The following YARS1 variants were observed in gnomAD, a reference collection of about 807,000 sequenced individuals.
YARS1 encodes tyrosine--tRNA ligase, cytoplasmic.
A neutral mutation model predicts 62.2 loss-of-function variants in YARS1; 36 were observed. The observed-to-expected ratio is 0.58, with a 90% CI of 0.44 to 0.76. The LOEUF (loss-of-function observed/expected upper bound fraction) is 0.76. YARS1 is among the 30% of genes least tolerant of loss of function. YARS1 has a pLI of 0.00. For synonymous variants in YARS1, 234 were observed against 244.9 expected (o/e 0.96, Z 0.42); for missense variants, 524 against 639.8 (o/e 0.82, Z 1.95).
intron 5 of YARS1, among the ~76,000 whole-genome samples, chr1:32,791,854 G>C (rs1653422613): frequency 6.6e-6 from 1 of 151,970 alleles, no homozygotes; most frequent in Admixed American, 6.6e-5. Context: ...AAACCCAACA[G>C]GGCAGCAAAT....
intron 12 of YARS1, 104 bp downstream of exon 12, chr1:32,779,277 AG>A (rs1302548947): frequency 7.5e-5 from 119 of 1,582,356 alleles, no homozygotes; most frequent in Non-Finnish European, 9.8e-5. Context: ...GCTCAAATGC[AG>A]GAAGTCCCAA....
intron 5 of YARS1, among the ~76,000 whole-genome samples, chr1:32,792,192 G>C (rs745643645): frequency 6.6e-6 from 1 of 152,182 alleles, no homozygotes; most frequent in African/African-American, 2.4e-5. Context: ...GGGAGACAGA[G>C]ATGGAAGTTT....
intron 12 of YARS1, among the ~76,000 whole-genome samples, chr1:32,778,881 G>A (rs1652963961): frequency 6.6e-6 from 1 of 151,756 alleles, no homozygotes; most frequent in Non-Finnish European, 1.5e-5. Context: ...TGGGATTACA[G>A]GCGCCCACGA....
Position 32,787,286 on chromosome 1 carries a change from T to C in YARS1, c.685-211A>G, listed in dbSNP as rs785416. On this transcript the variant is annotated intron_variant, in intron 6 of 12. Coordinates refer to ENST00000373477, the MANE Select transcript of YARS1 (RefSeq NM_003680.4). ...CTGGGACTACAGGAATGTGTCACCA[T>C]GCCCAGGTAATTCTATTTTTTGTAG... 0.99 allele frequency among the ~76,000 whole-genome samples: 150,299 copies of C among 152,228 alleles called. 74,227 individuals are homozygous for C. Among genetic ancestry groups the C allele is most frequent in the South Asian group, 1 (4,814 of 4,814 alleles).
chr1:32,785,665 C>T (rs1164163970), intron 8 of YARS1, among the ~76,000 whole-genome samples: 1 of 151,564 alleles, frequency 6.6e-6, no homozygotes, highest in Non-Finnish European at 1.5e-5. Flanking sequence ...TCACTGCAAC[C>T]TCCGACTCCC....
intron 5 of YARS1, among the ~76,000 whole-genome samples, chr1:32,794,063 T>C (rs1375707651): frequency 6.6e-6 from 1 of 152,098 alleles, no homozygotes; most frequent in African/African-American, 2.4e-5. Flanking sequence ...TAAAAAACAA[T>C]TACAGGCTGG....
rs987880780 is a variant in YARS1, at chr1:32,779,365, C to T, written c.1476+17G>A. ...CAGGCAGCCCAGCCAAGAAAGGGAACAATTACAGCTTTTTACCTGCAACTT... is the reference window on the plus strand; with the variant it reads ...CAGGCAGCCCAGCCAAGAAAGGGAATAATTACAGCTTTTTACCTGCAACTT... On this transcript the variant is annotated intron_variant, in intron 12 of 12. Coordinates refer to ENST00000373477, the MANE Select transcript of YARS1 (RefSeq NM_003680.4). The T allele has an allele frequency of 6.2e-7, 1 of 1,614,070 alleles. No homozygotes were observed. The highest frequency in any genetic ancestry group is 1.6e-4 in the Middle Eastern group (1 of 6,084).
intron 1 of YARS1, among the ~76,000 whole-genome samples, chr1:32,811,897 A>G (rs971870080): frequency 1.4e-4 from 22 of 152,286 alleles, no homozygotes; most frequent in South Asian, 6.2e-4. Context: ...AAGCCCCCCA[A>G]CTGTCGGAAT....
chr1:32,786,893 C>CT (rs776917593), intron 7 of YARS1, 47 bp downstream of exon 7: 1 of 1,613,168 alleles, frequency 6.2e-7, no homozygotes, highest in Non-Finnish European at 8.5e-7. Context: ...ACAGCACGAA[C>CT]TTTTCTATTC....
At chr1:32,784,176 T>C (rs1432495816) in intron 8 of YARS1, among the ~76,000 whole-genome samples, 1 of 151,468 alleles carries the variant, frequency 6.6e-6, no homozygotes, top group Non-Finnish European at 1.5e-5. Flanking sequence ...GGCCAGTATT[T>C]TGATTTTTTT....
intron 12 of YARS1, among the ~76,000 whole-genome samples, chr1:32,777,398 G>T (rs916470219): frequency 6.6e-6 from 1 of 152,124 alleles, no homozygotes; most frequent in Non-Finnish European, 1.5e-5. Context: ...GGAACATGAA[G>T]TTAGGAGCTT....
At chr1:32,800,434 G>C (rs1316837425) in intron 4 of YARS1, among the ~76,000 whole-genome samples, 2 of 151,788 alleles carry the variant, frequency 1.3e-5, no homozygotes, top group African/African-American at 4.8e-5. Flanking sequence ...GAGGCCAGGA[G>C]TTCAAGACCA....
At chr1:32,781,003 C>T in intron 10 of YARS1, 45 bp downstream of exon 10, 1 of 1,584,204 alleles carries the variant, frequency 6.3e-7, no homozygotes, top group Non-Finnish European at 8.7e-7. Context: ...AACAGACAAA[C>T]CTGACCCCAA....
intron 12 of YARS1, 77 bp downstream of exon 12, chr1:32,779,305 T>A: frequency 6.2e-7 from 1 of 1,611,674 alleles, no homozygotes; most frequent in Non-Finnish European, 8.5e-7. Context: ...GGGGCAGCTA[T>A]GGCTTCAGTA....
At chr1:32,793,477 CA>C (rs555851915) in intron 5 of YARS1, among the ~76,000 whole-genome samples, 2 of 150,194 alleles carry the variant, frequency 1.3e-5, no homozygotes, top group East Asian at 1.9e-4. Flanking sequence ...ATTCCATCTC[CA>C]AAAAAAAATA....
intron 4 of YARS1, among the ~76,000 whole-genome samples, chr1:32,805,129 G>T (rs1295563866): frequency 1.3e-5 from 2 of 151,872 alleles, no homozygotes; most frequent in African/African-American, 4.8e-5. Flanking sequence ...TCGGCAGGCT[G>T]AGGCAGGAGA....
intron 12 of YARS1, among the ~76,000 whole-genome samples, chr1:32,777,728 AGGCTTG>A (rs1481621928): frequency 1.3e-5 from 2 of 152,176 alleles, no homozygotes; most frequent in East Asian, 3.9e-4. Context: ...GGAGGTTTAC[AGGCTTG>A]AGGTTACAGG....
chr1:32,794,836 T>C lies in YARS1; in HGVS notation c.591+2927A>G, dbSNP rs574151534. 4.0e-5 allele frequency among the ~76,000 whole-genome samples: 6 copies of C among 151,342 alleles called. No homozygotes were observed. In the East Asian group the frequency reaches 1.2e-3, roughly 30 times the overall value. On this transcript the variant is annotated intron_variant, in intron 5 of 12. Transcript: ENST00000373477. ...ACCTGGCCAACATGGTGAAACCCCA[T>C]CTCTACTAAAAATACAAAAATTAGC...
intron 6 of YARS1, among the ~76,000 whole-genome samples, chr1:32,787,278 T>C (rs1569723520): frequency 6.6e-6 from 1 of 152,032 alleles, no homozygotes; most frequent in Non-Finnish European, 1.5e-5. Flanking sequence ...TACAGGAATG[T>C]GTCACCATGC....
Sources: allele counts gnomAD v4.1 joint callset (sites outside exome capture counted in the v4.1 genomes callset), GRCh38; gene constraint gnomAD v4.1.1; transcripts MANE v1.5; gene names NCBI Gene and HGNC (gene_info 2026-07-23, HGNC 2026-07-21).